Variants in CDKL1 observed in about 807,000 individuals in gnomAD.
The protein encoded by CDKL1 is cyclin dependent kinase like 1.
Under a neutral mutation model 42.0 loss-of-function variants are expected in CDKL1, and 41 were observed. The observed-to-expected ratio is 0.98, with a 90% CI of 0.76 to 1.27. The LOEUF is 1.27. CDKL1 is among the 50% of genes most tolerant of loss of function. CDKL1 has a pLI of 0.00. For synonymous variants in CDKL1, 153 were observed against 158.6 expected (o/e 0.96, Z 0.26); for missense variants, 394 against 428.4 (o/e 0.92, Z 0.71).
At chr14:50,332,667 G>A (rs2033024218) in intron 8 of CDKL1, 1 of 1,532,882 alleles carries the variant, frequency 6.5e-7, no homozygotes, top group African/African-American at 1.4e-5. Context: ...ACCTTATTCT[G>A]TTCTTGAAGC....
intron 2 of CDKL1, among the ~76,000 whole-genome samples, chr14:50,376,837 C>G (rs2034747367): frequency 6.6e-6 from 1 of 152,100 alleles, no homozygotes; most frequent in African/African-American, 2.4e-5. Context: ...AGCTTATATT[C>G]AAGCACCCAG....
At chr14:50,361,183 A>G in intron 2 of CDKL1, among the ~76,000 whole-genome samples, 1 of 152,206 alleles carries the variant, frequency 6.6e-6, no homozygotes, top group East Asian at 1.9e-4. Flanking sequence ...AAGGAGGAAA[A>G]TTGAAGTTCT....
intron 7 of CDKL1, among the ~76,000 whole-genome samples, chr14:50,335,204 G>C (rs1413868792): frequency 6.6e-6 from 1 of 150,672 alleles, no homozygotes; most frequent in Non-Finnish European, 1.5e-5. Context: ...GCTAAGGCGG[G>C]AGGATGGCGT....
intron 3 of CDKL1, among the ~76,000 whole-genome samples, chr14:50,358,636 C>CTTTTGTTTTTTTTTTTTTT (rs2034134692): frequency 1.5e-5 from 1 of 67,646 alleles, no homozygotes; most frequent in African/African-American, 5.8e-5. Flanking sequence ...TTTAACTAGT[C>CTTTTGTTTTTTTTTTTTTT]TTTTTTTTTT....
At chr14:50,393,796 T>A (rs2035325203) in intron 2 of CDKL1, among the ~76,000 whole-genome samples, 1 of 152,230 alleles carries the variant, frequency 6.6e-6, no homozygotes, top group African/African-American at 2.4e-5. Context: ...GGGTGCTGCA[T>A]GCTTTGAAAT....
chr14:50,383,655 T>C (rs1305516585), intron 2 of CDKL1, among the ~76,000 whole-genome samples: 1 of 151,938 alleles, frequency 6.6e-6, no homozygotes, highest in Non-Finnish European at 1.5e-5. Context: ...AAAAAAGCAA[T>C]AGCATAAATT....
chr14:50,386,240 C>T (rs984401333), intron 2 of CDKL1, among the ~76,000 whole-genome samples: 1 of 151,216 alleles, frequency 6.6e-6, no homozygotes, highest in Admixed American at 6.6e-5. Flanking sequence ...GAGACCAGCC[C>T]GGGCAACATA....
chr14:50,389,097 CAAAAA>C (rs57448948), intron 2 of CDKL1, among the ~76,000 whole-genome samples: 4 of 90,472 alleles, frequency 4.4e-5, no homozygotes, highest in South Asian at 4.0e-4. Context: ...AGACTGTCTT[CAAAAA>C]AAAAAAAAAA....
At chr14:50,356,287 T>C (rs1287224365) in intron 3 of CDKL1, among the ~76,000 whole-genome samples, 5 of 152,130 alleles carry the variant, frequency 3.3e-5, no homozygotes, top group Non-Finnish European at 1.5e-5. Flanking sequence ...CCCTGAAACT[T>C]TACCTAGTCC....
chr14:50,378,695 G>A (rs2034812465), intron 2 of CDKL1, among the ~76,000 whole-genome samples: 1 of 151,886 alleles, frequency 6.6e-6, no homozygotes, highest in Admixed American at 6.6e-5. Flanking sequence ...GACCATGGCT[G>A]GATAATTAAA....
intron 2 of CDKL1, among the ~76,000 whole-genome samples, chr14:50,364,682 G>A (rs1356822706): frequency 9.9e-5 from 15 of 152,240 alleles, no homozygotes; most frequent in Admixed American, 2.6e-4. Flanking sequence ...AGTAAGAAGC[G>A]CAAGGGCTGT....
chr14:50,359,373 A>G (rs933225970), intron 2 of CDKL1, among the ~76,000 whole-genome samples: 5 of 152,078 alleles, frequency 3.3e-5, no homozygotes, highest in Admixed American at 6.6e-5. Flanking sequence ...AAAGAGAGGT[A>G]TAAGAAGGCC....
intron 2 of CDKL1, among the ~76,000 whole-genome samples, chr14:50,376,655 G>A (rs896906431): frequency 6.6e-6 from 1 of 152,140 alleles, no homozygotes; most frequent in African/African-American, 2.4e-5. Context: ...ATTAAAATAT[G>A]TGAAAATAGG....
At chr14:50,331,693 A>G (rs2032950392) in intron 9 of CDKL1, 1 of 259,688 alleles carries the variant, frequency 3.9e-6, no homozygotes, top group African/African-American at 2.2e-5. Flanking sequence ...GCTTATCACA[A>G]GATGCTTAAT....
intron 2 of CDKL1, chr14:50,363,088 C>CA (rs2034327889): frequency 2.9e-6 from 1 of 348,486 alleles, no homozygotes; most frequent in African/African-American, 2.1e-5. Context: ...CTGTAACACT[C>CA]ACTGCGAAGG....
At chr14:50,354,576 T>C (rs1162169248) in intron 3 of CDKL1, among the ~76,000 whole-genome samples, 2 of 152,208 alleles carry the variant, frequency 1.3e-5, no homozygotes, top group Non-Finnish European at 2.9e-5. Flanking sequence ...TATAGAATAA[T>C]AGATACAAAG....
At chr14:50,343,349 C>A (rs145169940) in intron 4 of CDKL1, among the ~76,000 whole-genome samples, 80 of 152,192 alleles carry the variant, frequency 5.3e-4, no homozygotes, top group African/African-American at 1.9e-3. Flanking sequence ...TCTTCTTGGG[C>A]ATGACCAGTT....
In CDKL1 at chr14:50,395,843, T is replaced by C; in HGVS notation, c.26A>G (p.Lys9Arg). Residue 9 changes from lysine (K) to arginine (R), a missense_variant, in exon 2 of 10, where the codon AAA becomes AGA. Transcript: ENST00000395834. MEKYEKIG[K>R]IGEGSYGVVF... Reference sequence around the variant, plus strand: ...AACTCCATAGGATCCTTCTCCAATTTTCCCAATTTTTTCATACTTCTCCAT... The same window carrying C: ...AACTCCATAGGATCCTTCTCCAATTCTCCCAATTTTTTCATACTTCTCCAT... 2 of 1,611,896 alleles carry C rather than the reference T, an allele frequency of 1.2e-6. No individual in the cohort carries two copies. The highest frequency in any genetic ancestry group is 1.7e-6 in the Non-Finnish European group (2 of 1,177,990).
At chr14:50,377,343 T>A (rs2034761792) in intron 2 of CDKL1, among the ~76,000 whole-genome samples, 1 of 152,140 alleles carries the variant, frequency 6.6e-6, no homozygotes, top group Non-Finnish European at 1.5e-5. Context: ...TGTCCTCTCT[T>A]CCGTTCCTTG....
Sources: allele counts gnomAD v4.1 joint callset (sites outside exome capture counted in the v4.1 genomes callset), GRCh38; gene constraint gnomAD v4.1.1; transcripts MANE v1.5; gene names NCBI Gene and HGNC (gene_info 2026-07-23, HGNC 2026-07-21).